FRA10AC1: variants seen among roughly 807,000 people sequenced by gnomAD.
The protein encoded by FRA10AC1 is protein FRA10AC1.
A neutral mutation model predicts 56.5 loss-of-function variants in FRA10AC1; 43 were observed. The observed-to-expected ratio is 0.76, with a 90% confidence interval of 0.60 to 0.98. The LOEUF is 0.98. FRA10AC1 is among the 50% of genes least tolerant of loss of function. The probability of loss-of-function intolerance (pLI) is 0.00; values close to 1 mark genes in which losing one functional copy is unlikely to be tolerated. For synonymous variants in FRA10AC1, 112 were observed against 110.5 expected, an observed-to-expected ratio of 1.01 and a Z score of -0.09; for missense variants, 346 against 351.8, an observed-to-expected ratio of 0.98 and a Z score of 0.13.
intron 11 of FRA10AC1, among the ~76,000 whole-genome samples, chr10:93,678,111 G>A (rs1031669751): frequency 1.3e-5 from 2 of 152,194 alleles, no homozygotes; most frequent in Non-Finnish European, 2.9e-5. Flanking sequence ...ATATGTAAGA[G>A]GAACATAATC....
In FRA10AC1 at chr10:93,702,457, G is replaced by A. The variant is rs2059350899; in HGVS notation, c.-83C>T. On this transcript the variant is annotated 5_prime_UTR_variant, in exon 1 of 14. Coordinates refer to ENST00000359204, the MANE Select transcript of FRA10AC1 (RefSeq NM_145246.5). The stretch of plus-strand genomic sequence containing the variant: ...CCCGGCAGCTGCAGCGACGACCCAC[G>A]GCCTGAGAGAGCCGCTGCAGCACAG... The A allele has an allele frequency of 6.1e-6, 1 of 162,664 alleles. No individual in the cohort carries two copies. Among genetic ancestry groups the A allele is most frequent in the Non-Finnish European group, 1.3e-5 (1 of 75,222 alleles). 10.1% of individuals were successfully genotyped at this position (162,664 alleles called of 1,614,324 possible).
chr10:93,676,620 C>T, intron 12 of FRA10AC1, 33 bp downstream of exon 12: 1 of 1,538,004 alleles, frequency 6.5e-7, no homozygotes, highest in Non-Finnish European at 8.7e-7. Context: ...ACCTCAAATG[C>T]ATATTTTTAT....
intron 9 of FRA10AC1, 114 bp from the exon 10 acceptor site, chr10:93,684,212 C>A: frequency 1.4e-6 from 1 of 697,754 alleles, no homozygotes; most frequent in Non-Finnish European, 2.5e-6. Flanking sequence ...AGAGGGTAAA[C>A]AAACAATCCA....
rs185045155 is a variant in FRA10AC1 at position 93,684,376 on chromosome 10, T to G, written c.626-278A>C. Reference sequence around the variant, plus strand: ...AAACAAACTGTGTTCCACAGGCACATTAACATGTGTCTCACATCAAAGATA... The same window carrying G: ...AAACAAACTGTGTTCCACAGGCACAGTAACATGTGTCTCACATCAAAGATA... On this transcript the variant is annotated intron_variant, in intron 9 of 13. Transcript: ENST00000359204. 2.6e-5 allele frequency among the ~76,000 whole-genome samples: 4 copies of G among 152,302 alleles called. No homozygotes were observed. In the East Asian group the frequency reaches 7.7e-4, roughly 29 times the overall value.
intron 4 of FRA10AC1, among the ~76,000 whole-genome samples, chr10:93,696,320 T>G (rs773962201): frequency 1.3e-5 from 2 of 152,180 alleles, no homozygotes; most frequent in Non-Finnish European, 2.9e-5. Flanking sequence ...CAAAAGCTGT[T>G]CTCTCTAACC....
intron 7 of FRA10AC1, chr10:93,687,810 T>G (rs2059057629): frequency 1.2e-5 from 2 of 161,290 alleles, no homozygotes; most frequent in African/African-American, 4.8e-5. Context: ...TTATTTACAT[T>G]TGCATTTTAG....
rs1432486385 is a variant in FRA10AC1 at position 93,677,977 on chromosome 10, G to A, written c.788-1286C>T. ...TATTGAATGCCTCCTATGGGAGCAA[G>A]CACTATTAGGAATTAGAGATAACGA... On this transcript the variant is annotated intron_variant, in intron 11 of 13. Coordinates refer to ENST00000359204, the MANE Select transcript of FRA10AC1 (RefSeq NM_145246.5). Among the ~76,000 whole-genome samples, 3 of 152,216 alleles carry A rather than the reference G, an allele frequency of 2.0e-5. No homozygotes were observed. The East Asian group carries it at 5.8e-4, about 29-fold the overall frequency.
chr10:93,688,896 T>A (rs1053855082), intron 7 of FRA10AC1, among the ~76,000 whole-genome samples: 1 of 152,130 alleles, frequency 6.6e-6, no homozygotes, highest in African/African-American at 2.4e-5. Flanking sequence ...GAAGCTCTTG[T>A]CACTCATTAG....
intron 12 of FRA10AC1, chr10:93,673,101 T>C: frequency 3.6e-6 from 1 of 277,022 alleles, no homozygotes; most frequent in South Asian, 3.4e-5. Context: ...TAAGTGCCAA[T>C]CCAGTCCATG....
chr10:93,685,737 C>A (rs10882300), intron 8 of FRA10AC1, among the ~76,000 whole-genome samples: 60,840 of 149,666 alleles, frequency 0.41, 14,434 homozygotes, highest in Non-Finnish European at 0.53. Flanking sequence ...ATACCCCCCC[C>A]AAAAAAAAAC....
At chr10:93,688,838 T>TA (rs1250610722) in intron 7 of FRA10AC1, among the ~76,000 whole-genome samples, 4 of 151,408 alleles carry the variant, frequency 2.6e-5, no homozygotes, top group Non-Finnish European at 4.4e-5. Context: ...TAACAACAAA[T>TA]AAAAAACCAC....
chr10:93,697,963 T>TATTA (rs1219418402), intron 4 of FRA10AC1, among the ~76,000 whole-genome samples, 173 bp downstream of exon 4: 1 of 152,162 alleles, frequency 6.6e-6, no homozygotes, highest in Non-Finnish European at 1.5e-5. Context: ...CTTTCCTATA[T>TATTA]ATTAGTAAAA....
At position 93,668,959 on chromosome 10, in the gene FRA10AC1, C is replaced by A. The variant is rs2058719883; in HGVS notation, c.*867G>T. 6.6e-6 allele frequency: 1 copy of A among 152,110 alleles called. No individual in the cohort carries two copies. Among genetic ancestry groups the A allele is most frequent in the South Asian group, 2.1e-4 (1 of 4,822 alleles). The allele number at this position is 152,110 out of a possible 1,614,324, so 9.4% of individuals were successfully genotyped here. A position where few individuals can be genotyped will look rare whatever the true frequency, so the allele number is the denominator to read the frequency against. The stretch of plus-strand genomic sequence containing the variant: ...AGTATTATTCAGTTAAATTATCTTA[C>A]TGCATAATCTCTGCCGGGGAGGCAA... On this transcript the variant is annotated 3_prime_UTR_variant, in exon 14 of 14. Transcript: ENST00000359204.
chr10:93,687,847 C>G (rs1471769277), intron 7 of FRA10AC1: 1 of 154,218 alleles, frequency 6.5e-6, no homozygotes, highest in Non-Finnish European at 1.4e-5. Context: ...TTGTATAGTA[C>G]TGGGCAAATT....
rs1214173921 is a variant in FRA10AC1 at position 93,693,516 on chromosome 10, T to C, written c.297-787A>G. ...TATATATATATATATATACACCATA[T>C]ATATATATATACACCATATATATAT... is the stretch of plus-strand genomic sequence containing the variant. On this transcript the variant is annotated intron_variant, in intron 5 of 13. Transcript: ENST00000359204. 4.3e-4 allele frequency among the ~76,000 whole-genome samples: 22 copies of C among 51,468 alleles called. 2 individuals are homozygous for C. In the East Asian group the frequency reaches 0.011, roughly 25 times the overall value. 33.8% of individuals were successfully genotyped at this position (51,468 alleles called of 152,430 possible).
Position 93,684,020 on chromosome 10 carries a change from A to G in FRA10AC1, c.668+36T>C, listed in dbSNP as rs778712702. ...CAGGTAAATGACTATATCCTGGATT[A>G]CTAAACATTAAGAATGGCATTTTAA... On this transcript the variant is annotated intron_variant, in intron 10 of 13. Transcript: ENST00000359204. 15 of 1,376,940 alleles carry G rather than the reference A, an allele frequency of 1.1e-5. No individual in the cohort carries two copies. In the South Asian group the frequency reaches 1.6e-4, roughly 15 times the overall value. The allele number at this position is 1,376,940 out of a possible 1,614,324, so 85.3% of individuals were successfully genotyped here. A position where few individuals can be genotyped will look rare whatever the true frequency, so the allele number is the denominator to read the frequency against.
chr10:93,692,469 G>T (rs988910225), intron 6 of FRA10AC1, among the ~76,000 whole-genome samples, 177 bp downstream of exon 6: 8 of 152,148 alleles, frequency 5.3e-5, no homozygotes, highest in African/African-American at 1.7e-4. Context: ...ACAATGAGAA[G>T]TCAGTTAAAA....
chr10:93,700,720 G>A (rs2059317303), intron 1 of FRA10AC1, among the ~76,000 whole-genome samples: 2 of 152,148 alleles, frequency 1.3e-5, no homozygotes, highest in Admixed American at 1.3e-4. Context: ...ATCAATTGAT[G>A]AAAATTTTCC....
intron 7 of FRA10AC1, among the ~76,000 whole-genome samples, chr10:93,688,725 G>A (rs2059073351): frequency 6.6e-6 from 1 of 152,080 alleles, no homozygotes; most frequent in African/African-American, 2.4e-5. Flanking sequence ...GGGAGGTGGA[G>A]GCTGCAGTGA....
Sources: gnomAD v4.1 joint callset for allele counts (sites outside exome capture counted in the v4.1 genomes callset) on GRCh38, gnomAD v4.1.1 for gene constraint, MANE v1.5 for transcripts, NCBI Gene and HGNC (gene_info 2026-07-23, HGNC 2026-07-21) for gene names.